The following RIMS2 variants were observed in gnomAD, a reference collection of about 807,000 sequenced individuals.
RIMS2 encodes the protein regulating synaptic membrane exocytosis 2.
A neutral mutation model predicts 174.4 loss-of-function variants in RIMS2; 59 were observed. The observed-to-expected ratio is 0.34, with a 90% CI of 0.27 to 0.42. RIMS2 has a LOEUF of 0.42. RIMS2 is among the 10% of genes least tolerant of loss of function. The pLI, the probability that RIMS2 is intolerant of heterozygous loss-of-function variation, is 1.00. For synonymous variants in RIMS2, 606 were observed against 572.5 expected, an observed-to-expected ratio of 1.06 and a Z score of -0.84; for missense variants, 1,620 against 1,666.3, an observed-to-expected ratio of 0.97 and a Z score of 0.48.
chr8:104,192,225 A>G (rs1209276334), intron 19 of RIMS2, among the ~76,000 whole-genome samples: 1 of 152,150 alleles, frequency 6.6e-6, no homozygotes, highest in Non-Finnish European at 1.5e-5. Context: ...TGTTCAGTAT[A>G]ATACAGTATT....
chr8:103,855,773 A>G (rs969936755), intron 3 of RIMS2, among the ~76,000 whole-genome samples: 1 of 152,164 alleles, frequency 6.6e-6, no homozygotes, highest in African/African-American at 2.4e-5. Flanking sequence ...TTTATGACTG[A>G]GCACATGGTC....
intron 19 of RIMS2, among the ~76,000 whole-genome samples, chr8:104,064,547 T>G (rs1341940688): frequency 6.6e-6 from 1 of 152,068 alleles, no homozygotes; most frequent in African/African-American, 2.4e-5. Context: ...CTAACATTTA[T>G]GGAATTTAGG....
Position 104,119,043 on chromosome 8 carries a change from G to A in RIMS2, c.3334+104428G>A, listed in dbSNP as rs181517757. Among the ~76,000 whole-genome samples the A allele has an allele frequency of 4.0e-3, 607 of 151,924 alleles. 6 individuals are homozygous for A. Among genetic ancestry groups the A allele is most frequent in the African/African-American group, 0.013 (518 of 41,436 alleles). ...ACACAAATGTTCAGCATATGTGTCC[G>A]GGCACGGACACGTACAAATTTAGGC... On this transcript the variant is annotated intron_variant, in intron 19 of 23. Coordinates refer to ENST00000504942, the Ensembl canonical transcript of RIMS2.
chr8:103,838,715 A>T (rs542600831), intron 3 of RIMS2, among the ~76,000 whole-genome samples: 1 of 152,226 alleles, frequency 6.6e-6, no homozygotes, highest in South Asian at 2.1e-4. Context: ...ACTGTTAATC[A>T]TGTGCAGTAT....
intron 19 of RIMS2, among the ~76,000 whole-genome samples, chr8:104,018,967 T>C (rs1479229833): frequency 6.6e-6 from 1 of 152,148 alleles, no homozygotes; most frequent in Non-Finnish European, 1.5e-5. Context: ...TAATGTTTAA[T>C]GTTCTTGAAA....
intron 1 of RIMS2, among the ~76,000 whole-genome samples, chr8:103,502,569 C>A (rs1302473728): frequency 2.0e-5 from 3 of 152,116 alleles, no homozygotes; most frequent in Non-Finnish European, 4.4e-5. Flanking sequence ...AAGCAGTTTA[C>A]TCTAACTAAT....
chr8:103,618,460 A>T (rs1004746718), intron 1 of RIMS2, among the ~76,000 whole-genome samples: 2 of 152,158 alleles, frequency 1.3e-5, no homozygotes, highest in African/African-American at 4.8e-5. Context: ...GCTGGAAAAG[A>T]CACTAGAGTA....
chr8:103,563,300 A>G (rs2091888898), intron 1 of RIMS2, among the ~76,000 whole-genome samples: 1 of 152,188 alleles, frequency 6.6e-6, no homozygotes, highest in South Asian at 2.1e-4. Flanking sequence ...AACAGCACCC[A>G]AGTCACATCT....
intron 3 of RIMS2, among the ~76,000 whole-genome samples, chr8:103,834,742 T>TTCTTTCTG: frequency 9.1e-6 from 1 of 109,528 alleles, no homozygotes; most frequent in Non-Finnish European, 1.8e-5. Flanking sequence ...CTTTCTTTCT[T>TTCTTTCTG]TCTCTCTCTT....
At chr8:104,197,176 G>A (rs1563692313) in intron 19 of RIMS2, among the ~76,000 whole-genome samples, 1 of 135,914 alleles carries the variant, frequency 7.4e-6, no homozygotes, top group Non-Finnish European at 1.6e-5. Flanking sequence ...TTAAACATAA[G>A]CTTTTTTTTT....
At chr8:103,799,255 A>G (rs2098585372) in intron 3 of RIMS2, among the ~76,000 whole-genome samples, 1 of 152,234 alleles carries the variant, frequency 6.6e-6, no homozygotes, top group Non-Finnish European at 1.5e-5. Flanking sequence ...TAAGTGTAAG[A>G]CAACAAACTT....
chr8:103,652,746 T>A, intron 1 of RIMS2, 36 bp downstream of exon 3: 3 of 1,137,622 alleles, frequency 2.6e-6, no homozygotes, highest in Non-Finnish European at 3.6e-6. Flanking sequence ...AAATATTATC[T>A]CTGATAGTAT....
chr8:104,002,738 A>G (rs1168477480), intron 17 of RIMS2, among the ~76,000 whole-genome samples: 1 of 152,168 alleles, frequency 6.6e-6, no homozygotes, highest in Non-Finnish European at 1.5e-5. Flanking sequence ...TGCCCACTCC[A>G]TTAGAAGAAG....
intron 19 of RIMS2, among the ~76,000 whole-genome samples, chr8:104,067,219 T>C (rs2097121330): frequency 6.6e-6 from 1 of 152,182 alleles, no homozygotes; most frequent in African/African-American, 2.4e-5. Flanking sequence ...TGTGTGTGTA[T>C]GTTGACATTC....
chr8:103,840,976 T>G (rs2098936332), intron 3 of RIMS2, among the ~76,000 whole-genome samples: 1 of 152,124 alleles, frequency 6.6e-6, no homozygotes, highest in Non-Finnish European at 1.5e-5. Flanking sequence ...CCTGCATCAG[T>G]GAAGGAAGGG....
Position 104,014,616 on chromosome 8 carries a change from G to C in RIMS2, c.3334+1G>C. 6.3e-7 allele frequency: 1 copy of C among 1,582,190 alleles called. No homozygotes were observed. Among genetic ancestry groups the C allele is most frequent in the Non-Finnish European group, 8.7e-7 (1 of 1,151,324 alleles). On this transcript the variant is annotated splice_donor_variant, in intron 19 of 23. Coordinates refer to ENST00000504942, the Ensembl canonical transcript of RIMS2. LOFTEE classifies it high-confidence loss of function. ...CCACCAAAGGGAACGTTGGATAGAA[G>C]TAAGTTTTATTTCTAATTGTCTCGT... is the stretch of plus-strand genomic sequence containing the variant.
At chr8:104,071,446 T>G (rs942704057) in intron 19 of RIMS2, among the ~76,000 whole-genome samples, 7 of 152,026 alleles carry the variant, frequency 4.6e-5, no homozygotes, top group African/African-American at 1.7e-4. Flanking sequence ...TTTGTTTGTT[T>G]GTTTTTGAGA....
At chr8:103,707,065 A>G (rs1174935638) in intron 2 of RIMS2, among the ~76,000 whole-genome samples, 2 of 152,094 alleles carry the variant, frequency 1.3e-5, no homozygotes, top group Non-Finnish European at 2.9e-5. Flanking sequence ...CCACACGGAG[A>G]CATTCTAATG....
intron 2 of RIMS2, among the ~76,000 whole-genome samples, chr8:103,734,553 C>T (rs1591334481): frequency 6.6e-6 from 1 of 151,376 alleles, no homozygotes; most frequent in East Asian, 2.0e-4. Context: ...ATAGTAGACA[C>T]CCTCTGCTTG....
Sources: gnomAD v4.1 joint callset for allele counts (sites outside exome capture counted in the v4.1 genomes callset) on GRCh38, gnomAD v4.1.1 for gene constraint, MANE v1.5 for transcripts, NCBI Gene and HGNC (gene_info 2026-07-23, HGNC 2026-07-21) for gene names.